The following TMEM120B variants were observed in gnomAD, a reference collection of about 807,000 sequenced individuals.
TMEM120B encodes the protein transmembrane protein 120B.
In TMEM120B, 31 loss-of-function variants were observed where a neutral mutation model predicts 55.5. That is an observed-to-expected ratio of 0.56 (90% confidence interval 0.42 to 0.75). The LOEUF is 0.75. Ranked by LOEUF, TMEM120B falls within the 30% of genes least tolerant of loss-of-function variation. TMEM120B has a pLI of 0.00. For missense variants in TMEM120B, 399 were observed against 425.5 expected, an observed-to-expected ratio of 0.94 and a Z score of 0.55; for synonymous variants, 203 against 176.3, an observed-to-expected ratio of 1.15 and a Z score of -1.20.
intron 6 of TMEM120B, among the ~76,000 whole-genome samples, chr12:121,769,098 A>C (rs964976293): frequency 1.3e-5 from 2 of 151,266 alleles, no homozygotes; most frequent in African/African-American, 4.9e-5. Flanking sequence ...GTGAGCCAAG[A>C]ATGTGCCATT....
chr12:121,739,798 C>CTT (rs200085137), intron 1 of TMEM120B, among the ~76,000 whole-genome samples: 232 of 99,118 alleles, frequency 2.3e-3, no homozygotes, highest in Middle Eastern at 6.5e-3. Context: ...TGCAACACTT[C>CTT]TTTTTTTTTT....
intron 1 of TMEM120B, among the ~76,000 whole-genome samples, chr12:121,726,907 CAA>C (rs71305665): frequency 2.7e-5 from 2 of 73,714 alleles, no homozygotes; most frequent in African/African-American, 4.5e-5. Context: ...GACTCTGTCT[CAA>C]AAAAAAAAAA....
chr12:121,752,027 C>T (rs12824284), intron 4 of TMEM120B, 101 bp from the exon 5 acceptor site: 2 of 926,080 alleles, frequency 2.2e-6, no homozygotes, highest in South Asian at 1.5e-5. Flanking sequence ...TGGGCCATGG[C>T]AGTGGCTGAA....
intron 2 of TMEM120B, 88 bp downstream of exon 2, chr12:121,743,835 C>T: frequency 2.0e-6 from 2 of 997,724 alleles, no homozygotes; most frequent in Non-Finnish European, 3.1e-6. Flanking sequence ...ATGGAAATCT[C>T]AGTGGAAAAA....
intron 1 of TMEM120B, among the ~76,000 whole-genome samples, chr12:121,719,788 G>A (rs1894763116): frequency 6.6e-6 from 1 of 151,924 alleles, no homozygotes; most frequent in Non-Finnish European, 1.5e-5. Flanking sequence ...TCTGCCTCTC[G>A]GGTTCAAGTG....
At chr12:121,769,365 A>G (rs952342173) in intron 6 of TMEM120B, among the ~76,000 whole-genome samples, 2 of 152,096 alleles carry the variant, frequency 1.3e-5, no homozygotes, top group African/African-American at 4.8e-5. Flanking sequence ...TGTGGCATCC[A>G]TCAGCCTCTG....
intron 7 of TMEM120B, 128 bp from the exon 8 acceptor site, chr12:121,771,359 CG>C: frequency 1.2e-6 from 1 of 805,370 alleles, no homozygotes; most frequent in Non-Finnish European, 2.1e-6. Flanking sequence ...GATAGAAGGG[CG>C]GAAGTCTGGA....
chr12:121,761,416 G>A (rs964052336), intron 5 of TMEM120B, among the ~76,000 whole-genome samples: 4 of 152,190 alleles, frequency 2.6e-5, no homozygotes, highest in Non-Finnish European at 5.9e-5. Context: ...GGAGCTTGAA[G>A]CGCAGGTGGG....
chr12:121,750,401 C>G lies in TMEM120B; in HGVS notation c.327C>G (p.Leu109=). The part of the protein sequence containing the change: ...KKNGLYLNLV[L]GNVNVTLLSN... ...CCAGGCTCTACTTGAACCTGGTCCT[C>G]GGCAATGTGAACGTGACCCTCCTCA... Residue 109 remains leucine, a synonymous_variant, in exon 4 of 12, where the codon CTC becomes CTG. Coordinates refer to ENST00000449592, the MANE Select transcript of TMEM120B (RefSeq NM_001080825.2). The G allele has an allele frequency of 6.2e-7, 1 of 1,612,522 alleles. No individual in the cohort carries two copies. The highest frequency in any genetic ancestry group is 1.7e-5 in the Admixed American group (1 of 59,894).
Position 121,781,674 on chromosome 12 carries a change from C to G in TMEM120B, c.*5952C>G, listed in dbSNP as rs764058468. On this transcript the variant is annotated 3_prime_UTR_variant, in exon 12 of 12. Transcript: ENST00000449592. ...GTGCAGACTGGAACCCTCCCCTCCC[C>G]AAAGATTCAGACCTGTGGGGCTGAG... 1 of 160,848 alleles carries G rather than the reference C, an allele frequency of 6.2e-6. No homozygotes were observed. The highest frequency in any genetic ancestry group is 1.4e-5 in the Non-Finnish European group (1 of 72,314). 10.0% of individuals were successfully genotyped at this position (160,848 alleles called of 1,614,324 possible). A position where few individuals can be genotyped will look rare whatever the true frequency, so the allele number is the denominator to read the frequency against.
At chr12:121,768,905 G>T (rs2137354078) in intron 6 of TMEM120B, among the ~76,000 whole-genome samples, 1 of 152,282 alleles carries the variant, frequency 6.6e-6, no homozygotes, top group Middle Eastern at 3.4e-3. Context: ...CAGCACTTTG[G>T]GAGGCCGAGG....
Position 121,750,451 on chromosome 12 carries a change from C to T in TMEM120B, c.365+12C>T, listed in dbSNP as rs1228131371. ...AGCAACCAGGCCAAGTAAGTGTCCCCCACCCACCACCCAGACCCACACCTC... is the reference window on the plus strand; with the variant it reads ...AGCAACCAGGCCAAGTAAGTGTCCCTCACCCACCACCCAGACCCACACCTC... On this transcript the variant is annotated intron_variant, in intron 4 of 11. Transcript: ENST00000449592. The T allele has an allele frequency of 1.9e-6, 3 of 1,609,618 alleles. No individual in the cohort carries two copies. The Admixed American group carries it at 5.0e-5, about 27-fold the overall frequency.
At chr12:121,761,561 C>G in intron 5 of TMEM120B, 88 bp from the exon 6 acceptor site, 1 of 988,798 alleles carries the variant, frequency 1.0e-6, no homozygotes, top group Non-Finnish European at 1.6e-6. Context: ...AGCCCTCAGC[C>G]TGGTTTGCTG....
At chr12:121,764,497 G>C (rs1163599888) in intron 6 of TMEM120B, among the ~76,000 whole-genome samples, 2 of 151,924 alleles carry the variant, frequency 1.3e-5, no homozygotes, top group Non-Finnish European at 2.9e-5. Flanking sequence ...CTCCAGCCTG[G>C]GCAACAAGAG....
At position 121,751,521 on chromosome 12, in the gene TMEM120B, AT is replaced by A. The variant is rs550906666; in HGVS notation, c.366-602del. On this transcript the variant is annotated intron_variant, in intron 4 of 11. Transcript: ENST00000449592. ...TCAGGGAAGTTGCATCTAAGCTAGA[AT>A]TTTTGCATAAATAAAAACCTGGTCA... is the stretch of plus-strand genomic sequence containing the variant. Among the ~76,000 whole-genome samples the A allele has an allele frequency of 7.3e-5, 11 of 151,636 alleles. No individual in the cohort carries two copies. The South Asian group carries it at 2.3e-3, about 32-fold the overall frequency.
In TMEM120B at chr12:121,779,809, T is replaced by A; in HGVS notation, c.*4087T>A. The stretch of plus-strand genomic sequence containing the variant: ...CTGTCTCCTCCATCCTGGCTGCCCC[T>A]CACAGTGTGTGGGTGGAATGGAGGG... On this transcript the variant is annotated 3_prime_UTR_variant, in exon 12 of 12. Transcript: ENST00000449592. 1 of 812,798 alleles carries A rather than the reference T, an allele frequency of 1.2e-6. No individual in the cohort carries two copies. The highest frequency in any genetic ancestry group is 1.7e-5 in the African/African-American group (1 of 58,140). 50.3% of individuals were successfully genotyped at this position (812,798 alleles called of 1,614,324 possible). A position where few individuals can be genotyped will look rare whatever the true frequency, so the allele number is the denominator to read the frequency against.
At chr12:121,755,484 A>G (rs1873451274) in intron 5 of TMEM120B, among the ~76,000 whole-genome samples, 1 of 152,200 alleles carries the variant, frequency 6.6e-6, no homozygotes, top group Admixed American at 6.5e-5. Context: ...ATCAGGTTTG[A>G]ACCAGGCTAG....
intron 1 of TMEM120B, among the ~76,000 whole-genome samples, chr12:121,717,169 C>T (rs1894717626): frequency 6.6e-6 from 1 of 152,084 alleles, no homozygotes; most frequent in African/African-American, 2.4e-5. Flanking sequence ...GTGGCGTGAC[C>T]GCAGAAGGTC....
intron 1 of TMEM120B, among the ~76,000 whole-genome samples, chr12:121,715,179 TGCAAAATTA>T (rs1894677853): frequency 6.6e-6 from 1 of 151,842 alleles, no homozygotes; most frequent in Non-Finnish European, 1.5e-5. Context: ...CTACTAAAAA[TGCAAAATTA>T]GCTGGGTGTG....
Sources: gnomAD v4.1 joint callset for allele counts (sites outside exome capture counted in the v4.1 genomes callset) on GRCh38, gnomAD v4.1.1 for gene constraint, MANE v1.5 for transcripts, NCBI Gene and HGNC (gene_info 2026-07-23, HGNC 2026-07-21) for gene names.